The following SEMA3A variants were observed in gnomAD, a reference collection of about 807,000 sequenced individuals.
SEMA3A encodes the protein semaphorin 3A, also known as semaphorin-3A.
Under a neutral mutation model 97.9 loss-of-function variants are expected in SEMA3A, and 29 were observed. The observed-to-expected ratio is 0.30, with a 90% CI of 0.22 to 0.40. The LOEUF (loss-of-function observed/expected upper bound fraction) is 0.40. Among genes scored for constraint, SEMA3A ranks in the 10% least tolerant of loss-of-function variants. The pLI, the probability that SEMA3A is intolerant of heterozygous loss-of-function variation, is 1.00. For synonymous variants in SEMA3A, 321 were observed against 323.7 expected (o/e 0.99, Z 0.09); for missense variants, 763 against 951.3 (o/e 0.80, Z 2.60).
intron 2 of SEMA3A, among the ~76,000 whole-genome samples, chr7:84,322,978 T>A (rs898813966): frequency 1.2e-4 from 18 of 152,230 alleles, no homozygotes; most frequent in African/African-American, 4.3e-4. Context: ...ACCACTGCAT[T>A]CACTGGACAA....
At chr7:84,394,411 G>C (rs965168263) in intron 1 of SEMA3A, among the ~76,000 whole-genome samples, 2 of 152,106 alleles carry the variant, frequency 1.3e-5, no homozygotes, top group African/African-American at 4.8e-5. Flanking sequence ...TAGAATCAAT[G>C]AGTCATAGCA....
chr7:84,223,115 C>T (rs746378360), intron 3 of SEMA3A, among the ~76,000 whole-genome samples: 3 of 151,818 alleles, frequency 2.0e-5, no homozygotes, highest in Non-Finnish European at 4.4e-5. Flanking sequence ...TTCATTAAAA[C>T]TTTGAGGACT....
At chr7:84,251,674 G>A (rs1799613922) in intron 3 of SEMA3A, among the ~76,000 whole-genome samples, 1 of 152,122 alleles carries the variant, frequency 6.6e-6, no homozygotes, top group Non-Finnish European at 1.5e-5. Context: ...GACTCATCCA[G>A]CCTCACCACA....
chr7:84,150,211 T>C (rs762067268), intron 1 of SEMA3A, among the ~76,000 whole-genome samples: 1 of 152,222 alleles, frequency 6.6e-6, no homozygotes, highest in African/African-American at 2.4e-5. Flanking sequence ...TATGTACATC[T>C]GCCTCATGAA....
At chr7:84,296,480 C>T (rs1217414095) in intron 3 of SEMA3A, among the ~76,000 whole-genome samples, 7 of 152,082 alleles carry the variant, frequency 4.6e-5, no homozygotes, top group Non-Finnish European at 1.0e-4. Flanking sequence ...GGTCTCATTG[C>T]TTTCTTGAAT....
chr7:84,446,029 C>T (rs958155475), intron 1 of SEMA3A, among the ~76,000 whole-genome samples: 1 of 152,064 alleles, frequency 6.6e-6, no homozygotes, highest in Non-Finnish European at 1.5e-5. Context: ...AATATTATTA[C>T]TAATTCTATA....
chr7:84,189,580 C>T (rs1288612207), intron 1 of SEMA3A, among the ~76,000 whole-genome samples: 2 of 151,650 alleles, frequency 1.3e-5, no homozygotes, highest in Non-Finnish European at 3.0e-5. Flanking sequence ...TTACAGGCAA[C>T]TTAAAATTCA....
intron 1 of SEMA3A, among the ~76,000 whole-genome samples, chr7:84,448,058 C>T (rs578247143): frequency 3.9e-5 from 6 of 152,324 alleles, no homozygotes; most frequent in Admixed American, 2.0e-4. Context: ...TGCCAGACCC[C>T]GCATTCACTT....
intron 3 of SEMA3A, among the ~76,000 whole-genome samples, chr7:84,280,755 G>A (rs1800421837): frequency 6.6e-6 from 1 of 151,922 alleles, no homozygotes; most frequent in African/African-American, 2.4e-5. Flanking sequence ...CTCCAGCCTG[G>A]GTGACAAAGT....
chr7:84,072,535 T>A (rs1005382512), intron 4 of SEMA3A, among the ~76,000 whole-genome samples: 5 of 152,162 alleles, frequency 3.3e-5, no homozygotes, highest in Admixed American at 3.3e-4. Flanking sequence ...ATAATTTATT[T>A]TTGATATGTT....
chr7:84,091,159 G>GAAA (rs1794566417), intron 4 of SEMA3A, among the ~76,000 whole-genome samples: 4 of 25,088 alleles, frequency 1.6e-4, no homozygotes, highest in East Asian at 2.2e-3. Context: ...AAGGAAGGAA[G>GAAA]GAAGGAAGGA....
chr7:83,979,968 A>C (rs997027308), intron 14 of SEMA3A, among the ~76,000 whole-genome samples: 5 of 152,302 alleles, frequency 3.3e-5, no homozygotes, highest in Non-Finnish European at 5.9e-5. Context: ...CTTTGAAAAA[A>C]ATAGCTATAA....
At chr7:84,085,088 A>G (rs1794288950) in intron 4 of SEMA3A, among the ~76,000 whole-genome samples, 1 of 152,062 alleles carries the variant, frequency 6.6e-6, no homozygotes, top group African/African-American at 2.4e-5. Context: ...TTTTCTTTAT[A>G]CATACATTTA....
chr7:84,322,986 C>T (rs1266400984), intron 2 of SEMA3A, among the ~76,000 whole-genome samples: 1 of 152,060 alleles, frequency 6.6e-6, no homozygotes, highest in Non-Finnish European at 1.5e-5. Context: ...ATTCACTGGA[C>T]AAAATTTGGC....
rs79565355 is a variant in SEMA3A at position 84,454,375 on chromosome 7, T to A, written c.-246+38085A>T. On this transcript the variant is annotated intron_variant, in intron 1 of 3. Coordinates refer to the SEMA3A transcript ENST00000424555. ...GCCTTGTCCAAAGAGTTACTAACAT[T>A]AAGGTAACAGCTTAGTTACTTTTTC... Among the ~76,000 whole-genome samples, 2,053 of 152,278 alleles carry A rather than the reference T, an allele frequency of 0.013. 91 individuals are homozygous for A. In the East Asian group the frequency reaches 0.16, roughly 12 times the overall value.
intron 2 of SEMA3A, among the ~76,000 whole-genome samples, chr7:84,350,576 T>G (rs968219175): frequency 3.9e-5 from 6 of 152,184 alleles, no homozygotes; most frequent in Admixed American, 3.3e-4. Flanking sequence ...TTTTCTTGTA[T>G]GTGAAGATGT....
chr7:84,482,766 T>C (rs1487468006), intron 1 of SEMA3A, among the ~76,000 whole-genome samples: 1 of 152,158 alleles, frequency 6.6e-6, no homozygotes, highest in Admixed American at 6.6e-5. Flanking sequence ...AAGATGGTGC[T>C]GCATAACTAG....
At chr7:84,449,888 T>C (rs2116362444) in intron 1 of SEMA3A, among the ~76,000 whole-genome samples, 1 of 152,280 alleles carries the variant, frequency 6.6e-6, no homozygotes, top group Admixed American at 6.5e-5. Flanking sequence ...TCAAAGTCCA[T>C]CCACGTTGTT....
chr7:84,173,343 A>G (rs113038963), intron 1 of SEMA3A, among the ~76,000 whole-genome samples: 5,761 of 151,920 alleles, frequency 0.038, 396 homozygotes, highest in African/African-American at 0.13. Context: ...ATCACCTGAG[A>G]TCAGGATTTC....
Sources: gnomAD v4.1 joint callset for allele counts (sites outside exome capture counted in the v4.1 genomes callset) on GRCh38, gnomAD v4.1.1 for gene constraint, MANE v1.5 for transcripts, NCBI Gene and HGNC (gene_info 2026-07-23, HGNC 2026-07-21) for gene names.